Variants in VAPB observed in about 807,000 individuals in gnomAD.
The protein encoded by VAPB is VAMP associated protein B and C.
Under a neutral mutation model 25.6 loss-of-function variants are expected in VAPB, and 7 were observed. The ratio of observed to expected loss-of-function variants is 0.27; its 90% CI spans 0.16 to 0.51. VAPB has a LOEUF of 0.51. Among genes scored for constraint, VAPB ranks in the 20% least tolerant of loss-of-function variants. The pLI is 0.97. For missense variants in VAPB, 266 were observed against 301.3 expected (o/e 0.88, Z 0.87); for synonymous variants, 112 against 109.2 (o/e 1.03, Z -0.16).
intron 1 of VAPB, among the ~76,000 whole-genome samples, chr20:58,391,144 G>A (rs1425273380): frequency 2.0e-5 from 3 of 152,184 alleles, no homozygotes; most frequent in Non-Finnish European, 4.4e-5. Flanking sequence ...CTATCTGGGA[G>A]GCCTGGCTTG....
intron 3 of VAPB, among the ~76,000 whole-genome samples, chr20:58,437,334 G>T (rs1989071102): frequency 6.6e-6 from 1 of 151,856 alleles, no homozygotes; most frequent in South Asian, 2.1e-4. Context: ...CTGTATTCTG[G>T]ATTTATTTGA....
intron 3 of VAPB, among the ~76,000 whole-genome samples, chr20:58,438,191 G>T (rs911062133): frequency 1.3e-5 from 2 of 151,800 alleles, no homozygotes; most frequent in African/African-American, 4.8e-5. Flanking sequence ...TTGGTAGTTG[G>T]CAGAGTGGTT....
At chr20:58,439,778 A>C (rs924586266) in intron 4 of VAPB, 8 of 152,176 alleles carry the variant, frequency 5.3e-5, no homozygotes, top group African/African-American at 1.9e-4. Flanking sequence ...TTTACCTTTC[A>C]TGATCCTCAC....
chr20:58,440,994 G>C lies in VAPB; in HGVS notation c.484G>C (p.Asp162His). 6.2e-7 allele frequency: 1 copy of C among 1,614,048 alleles called. No homozygotes were observed. The highest frequency in any genetic ancestry group is 8.5e-7 in the Non-Finnish European group (1 of 1,179,996). Residue 162 changes from aspartate (D) to histidine (H), a missense_variant, in exon 5 of 6, where the codon GAT becomes CAT. Coordinates refer to ENST00000475243, the MANE Select transcript of VAPB (RefSeq NM_004738.5). Reference protein sequence around the residue: ...IVSKSLSSSLDDTEVKKVMEE... With the variant: ...IVSKSLSSSLHDTEVKKVMEE... ...GTCTAAGTCTCTGAGTTCTTCTTTGGATGACACCGAAGTTAAGAAGGTTAT... is the reference window on the plus strand; with the variant it reads ...GTCTAAGTCTCTGAGTTCTTCTTTGCATGACACCGAAGTTAAGAAGGTTAT...
At chr20:58,437,627 G>A (rs1373956588) in intron 3 of VAPB, among the ~76,000 whole-genome samples, 1 of 152,148 alleles carries the variant, frequency 6.6e-6, no homozygotes, top group Non-Finnish European at 1.5e-5. Context: ...GATGATCCTT[G>A]CTTGATATTT....
chr20:58,437,956 C>T (rs181104372), intron 3 of VAPB, among the ~76,000 whole-genome samples: 4 of 152,266 alleles, frequency 2.6e-5, no homozygotes, highest in African/African-American at 9.6e-5. Context: ...TTTTCTATAT[C>T]ATAACCTTGC....
At chr20:58,400,898 G>A (rs1988081573) in intron 1 of VAPB, among the ~76,000 whole-genome samples, 1 of 152,226 alleles carries the variant, frequency 6.6e-6, no homozygotes, top group South Asian at 2.1e-4. Context: ...ATCTAAATTT[G>A]TGCTTCTGAC....
chr20:58,418,097 T>C (rs1988585396), intron 1 of VAPB, 114 bp from the exon 2 acceptor site: 6 of 1,397,098 alleles, frequency 4.3e-6, no homozygotes, highest in Non-Finnish European at 6.0e-6. Context: ...GGCATGTTAA[T>C]GAGATAATCG....
chr20:58,434,563 C>G (rs1163757687), intron 2 of VAPB, 39 bp from the exon 3 acceptor site: 1 of 1,044,612 alleles, frequency 9.6e-7, no homozygotes, highest in South Asian at 1.3e-5. Flanking sequence ...CACTGACAAC[C>G]AAGCTCTGAC....
intron 1 of VAPB, among the ~76,000 whole-genome samples, chr20:58,400,745 A>T (rs1204330311): frequency 2.6e-5 from 4 of 152,220 alleles, no homozygotes; most frequent in Non-Finnish European, 5.9e-5. Context: ...TGATCATTTG[A>T]AACAGAAGCA....
At chr20:58,438,329 G>GT (rs1989091326) in intron 3 of VAPB, among the ~76,000 whole-genome samples, 1 of 152,116 alleles carries the variant, frequency 6.6e-6, no homozygotes, top group Non-Finnish European at 1.5e-5. Flanking sequence ...CCAGCCTGGA[G>GT]TACAGTGGCA....
Position 58,447,952 on chromosome 20 carries a change from G to A in VAPB, c.*3717G>A. 2.2e-6 allele frequency: 1 copy of A among 453,616 alleles called. No individual in the cohort carries two copies. The highest frequency in any genetic ancestry group is 4.4e-6 in the Non-Finnish European group (1 of 226,678). The allele number at this position is 453,616 out of a possible 1,614,324, so 28.1% of individuals were successfully genotyped here. A position where few individuals can be genotyped will look rare whatever the true frequency, so the allele number is the denominator to read the frequency against. ...CTCCTGAGACCTTCTCGGTGTAGAG[G>A]CCACTGCTTCCCCCTGCTGGAGATG... On this transcript the variant is annotated 3_prime_UTR_variant, in exon 6 of 6. Coordinates refer to ENST00000475243, the MANE Select transcript of VAPB (RefSeq NM_004738.5).
chr20:58,433,600 C>G (rs533594835), intron 2 of VAPB, among the ~76,000 whole-genome samples: 1 of 152,214 alleles, frequency 6.6e-6, no homozygotes, highest in Non-Finnish European at 1.5e-5. Context: ...AAGGTGTAAC[C>G]TTGGGCAAAT....
At chr20:58,408,511 A>G (rs1387837477) in intron 1 of VAPB, among the ~76,000 whole-genome samples, 1 of 152,184 alleles carries the variant, frequency 6.6e-6, no homozygotes, top group Non-Finnish European at 1.5e-5. Flanking sequence ...AAGAAAATAG[A>G]TTTTTAAGAA....
At chr20:58,421,282 A>G (rs891344369) in intron 2 of VAPB, among the ~76,000 whole-genome samples, 2 of 152,234 alleles carry the variant, frequency 1.3e-5, no homozygotes, top group African/African-American at 2.4e-5. Context: ...AGAGTGGTAC[A>G]TTTGTACGTT....
intron 1 of VAPB, among the ~76,000 whole-genome samples, chr20:58,408,898 C>A (rs1390089006): frequency 7.4e-6 from 1 of 134,304 alleles, no homozygotes; most frequent in East Asian, 2.4e-4. Context: ...ACACCCCCCC[C>A]CCCCACCCCG....
At chr20:58,401,435 C>T (rs914841240) in intron 1 of VAPB, among the ~76,000 whole-genome samples, 8 of 152,054 alleles carry the variant, frequency 5.3e-5, no homozygotes, top group East Asian at 1.9e-4. Context: ...AGTCACTGCC[C>T]GGGAGCTCAA....
chr20:58,420,999 G>T (rs1988655851), intron 2 of VAPB, among the ~76,000 whole-genome samples: 2 of 152,136 alleles, frequency 1.3e-5, no homozygotes, highest in African/African-American at 4.8e-5. Context: ...GATACCAGTC[G>T]ACAGGCAGTG....
Position 58,446,975 on chromosome 20 carries a change from G to C in VAPB, c.*2740G>C. 2.2e-6 allele frequency: 1 copy of C among 454,148 alleles called. No individual in the cohort carries two copies. The highest frequency in any genetic ancestry group is 1.6e-5 in the South Asian group (1 of 64,470). The allele number at this position is 454,148 out of a possible 1,614,324, so 28.1% of individuals were successfully genotyped here. On this transcript the variant is annotated 3_prime_UTR_variant, in exon 6 of 6. Transcript: ENST00000475243. Reference sequence around the variant, plus strand: ...GTCACAACGGCCTGCCCTGCCCCAAGAGGGTTAAGAGTCAGATAATCGGGA... The same window carrying C: ...GTCACAACGGCCTGCCCTGCCCCAACAGGGTTAAGAGTCAGATAATCGGGA...
Sources: gnomAD v4.1 joint callset for allele counts (sites outside exome capture counted in the v4.1 genomes callset) on GRCh38, gnomAD v4.1.1 for gene constraint, MANE v1.5 for transcripts, NCBI Gene and HGNC (gene_info 2026-07-23, HGNC 2026-07-21) for gene names.